The following GPHN variants were observed in gnomAD, a reference collection of about 807,000 sequenced individuals.
GPHN encodes the protein gephyrin.
In GPHN, 17 loss-of-function variants were observed where a neutral mutation model predicts 95.5. The observed-to-expected ratio is 0.18, with a 90% confidence interval of 0.12 to 0.27. The LOEUF (loss-of-function observed/expected upper bound fraction) is 0.27, where lower values mean the gene tolerates loss of function less well. GPHN is among the 10% of genes least tolerant of loss of function. The pLI, the probability that GPHN is intolerant of heterozygous loss-of-function variation, is 1.00. For synonymous variants in GPHN, 320 were observed against 322.5 expected, an observed-to-expected ratio of 0.99 and a Z score of 0.08; for missense variants, 660 against 978.1, an observed-to-expected ratio of 0.67 and a Z score of 4.34.
the GPHN span, among the ~76,000 whole-genome samples, chr14:67,434,735 T>A: frequency 7.9e-5 from 12 of 152,208 alleles, no homozygotes; most frequent in African/African-American, 2.9e-4. Context: ...AGTGTCTTGG[T>A]CCGTGTTTTG....
chr14:66,741,807 A>G (rs1302148845), intron 2 of GPHN, among the ~76,000 whole-genome samples: 2 of 152,232 alleles, frequency 1.3e-5, no homozygotes, highest in Non-Finnish European at 1.5e-5. Flanking sequence ...AGCCTCTGAT[A>G]CAGGGATAAA....
At chr14:66,999,462 T>C (rs1271112757) in intron 9 of GPHN, among the ~76,000 whole-genome samples, 1 of 151,916 alleles carries the variant, frequency 6.6e-6, no homozygotes, top group Non-Finnish European at 1.5e-5. Flanking sequence ...AATTTATTGT[T>C]ATGTAATTTA....
At chr14:66,875,165 TAAAC>T (rs554443915) in intron 4 of GPHN, among the ~76,000 whole-genome samples, 47 of 152,266 alleles carry the variant, frequency 3.1e-4, no homozygotes, top group Admixed American at 5.2e-4. Flanking sequence ...CTAAGCTTCA[TAAAC>T]AAAGGAGAAG....
At chr14:67,420,539 C>T in the GPHN span, among the ~76,000 whole-genome samples, 1,824 of 152,302 alleles carry the variant, frequency 0.012, 36 homozygotes, top group African/African-American at 0.041. Flanking sequence ...CAGAAATTCC[C>T]GAGACCGGAA....
chr14:66,646,118 CTA>C (rs1218040453), intron 1 of GPHN, among the ~76,000 whole-genome samples: 2 of 151,956 alleles, frequency 1.3e-5, no homozygotes, highest in Non-Finnish European at 2.9e-5. Context: ...CAAAAAAAAA[CTA>C]GATTAAAATT....
At chr14:67,683,510 G>C in the GPHN span, among the ~76,000 whole-genome samples, 1 of 152,146 alleles carries the variant, frequency 6.6e-6, no homozygotes, top group Non-Finnish European at 1.5e-5. Flanking sequence ...ATTCTACTTT[G>C]TTTCGGCAAT....
At chr14:67,562,704 C>T in the GPHN span, 1 of 1,612,882 alleles carries the variant, frequency 6.2e-7, no homozygotes, top group Admixed American at 1.7e-5. Context: ...GCCCTCCACC[C>T]CTCTGGCCTT....
At chr14:66,651,126 A>G (rs2153365383) in intron 1 of GPHN, among the ~76,000 whole-genome samples, 1 of 152,340 alleles carries the variant, frequency 6.6e-6, no homozygotes, top group East Asian at 1.9e-4. Context: ...TTGAGTTACA[A>G]GAGCCGCTTC....
At chr14:67,638,414 A>T in the GPHN span, among the ~76,000 whole-genome samples, 1 of 152,190 alleles carries the variant, frequency 6.6e-6, no homozygotes, top group Non-Finnish European at 1.5e-5. Context: ...AGGATACAGT[A>T]GTAAAACCCG....
At chr14:67,320,376 C>T in the GPHN span, 5 of 1,604,982 alleles carry the variant, frequency 3.1e-6, no homozygotes, top group Admixed American at 5.2e-5. Context: ...AGAAAAGGAC[C>T]GCTTTGCATC....
At chr14:66,782,245 C>T (rs190540076) in intron 3 of GPHN, among the ~76,000 whole-genome samples, 84 of 152,268 alleles carry the variant, frequency 5.5e-4, no homozygotes, top group African/African-American at 1.9e-3. Context: ...TTAAGTCTGT[C>T]TTTTCCTGAA....
chr14:67,368,887 A>G, the GPHN span, among the ~76,000 whole-genome samples: 1 of 152,186 alleles, frequency 6.6e-6, no homozygotes, highest in Non-Finnish European at 1.5e-5. Flanking sequence ...AAAATACACT[A>G]TTGTAAAAGC....
chr14:67,321,124 A>C, the GPHN span: 1 of 1,614,200 alleles, frequency 6.2e-7, no homozygotes, highest in Non-Finnish European at 8.5e-7. Context: ...CGCGGCAAGC[A>C]TTCGAGGCAG....
chr14:66,924,915 T>C (rs549294684), intron 8 of GPHN, among the ~76,000 whole-genome samples: 20 of 152,126 alleles, frequency 1.3e-4, no homozygotes, highest in African/African-American at 4.3e-4. Context: ...ATAAAAATCA[T>C]TAAACAGTGA....
chr14:66,531,086 C>T (rs2058914551), intron 1 of GPHN, among the ~76,000 whole-genome samples: 1 of 150,196 alleles, frequency 6.7e-6, no homozygotes, highest in African/African-American at 2.5e-5. Context: ...GCTGGGATTA[C>T]AGGCACCTGC....
At chr14:67,375,791 G>A in the GPHN span, among the ~76,000 whole-genome samples, 1 of 151,974 alleles carries the variant, frequency 6.6e-6, no homozygotes, top group African/African-American at 2.4e-5. Context: ...TAGAAATACA[G>A]ACTCTCAGGT....
chr14:66,825,803 A>G (rs1299537620), intron 4 of GPHN, among the ~76,000 whole-genome samples: 1 of 152,200 alleles, frequency 6.6e-6, no homozygotes, highest in Non-Finnish European at 1.5e-5. Context: ...TCAACTGCAT[A>G]AAGTCATCCT....
intron 5 of GPHN, among the ~76,000 whole-genome samples, chr14:66,892,746 A>T (rs1224826687): frequency 6.6e-6 from 1 of 152,200 alleles, no homozygotes; most frequent in Non-Finnish European, 1.5e-5. Flanking sequence ...AGTGCTTATG[A>T]GTGGATAGCG....
the GPHN span, among the ~76,000 whole-genome samples, chr14:67,731,216 T>C: frequency 3.5e-4 from 49 of 141,272 alleles, no homozygotes; most frequent in Non-Finnish European, 5.7e-4. Flanking sequence ...TCTTTTTTTT[T>C]TTTTTTTTTT....
Sources: allele counts gnomAD v4.1 joint callset (sites outside exome capture counted in the v4.1 genomes callset), GRCh38; gene constraint gnomAD v4.1.1; transcripts MANE v1.5; gene names NCBI Gene and HGNC (gene_info 2026-07-23, HGNC 2026-07-21).